Variants in ANKRD33B observed in about 807,000 individuals in gnomAD.
ANKRD33B encodes ankyrin repeat domain-containing protein 33B.
A neutral mutation model predicts 21.5 loss-of-function variants in ANKRD33B; 6 were observed. The observed-to-expected ratio is 0.28, with a 90% confidence interval of 0.15 to 0.55. The LOEUF is 0.55. ANKRD33B is among the 20% of genes least tolerant of loss of function. ANKRD33B has a pLI of 0.94. For synonymous variants in ANKRD33B, 347 were observed against 342.4 expected, an observed-to-expected ratio of 1.01 and a Z score of -0.15; for missense variants, 698 against 747.2, an observed-to-expected ratio of 0.93 and a Z score of 0.77.
chr5:10,574,999 A>G (rs1279204897), intron 1 of ANKRD33B, among the ~76,000 whole-genome samples: 1 of 55,220 alleles, frequency 1.8e-5, no homozygotes, highest in African/African-American at 3.7e-5. Context: ...AGGTGGGAGG[A>G]TCACTTGAGC....
chr5:10,607,358 G>A (rs752753889), intron 1 of ANKRD33B, among the ~76,000 whole-genome samples: 7 of 152,142 alleles, frequency 4.6e-5, no homozygotes, highest in Non-Finnish European at 1.0e-4. Context: ...GAGCTTCAAG[G>A]GCAGTCAAGT....
chr5:10,588,498 T>C (rs535243609), intron 1 of ANKRD33B, among the ~76,000 whole-genome samples: 1 of 152,354 alleles, frequency 6.6e-6, no homozygotes, highest in East Asian at 1.9e-4. Context: ...TTTCGATCTG[T>C]GGAGTAAGTT....
At chr5:10,620,956 T>C (rs1480535859) in intron 2 of ANKRD33B, among the ~76,000 whole-genome samples, 1 of 152,250 alleles carries the variant, frequency 6.6e-6, no homozygotes, top group Non-Finnish European at 1.5e-5. Flanking sequence ...ATTTTACACT[T>C]ATTATCTGAT....
intron 1 of ANKRD33B, among the ~76,000 whole-genome samples, chr5:10,577,564 G>C (rs1008453397): frequency 2.6e-5 from 4 of 152,218 alleles, no homozygotes; most frequent in African/African-American, 9.6e-5. Flanking sequence ...CCCCACATCT[G>C]CTTCCCTTTA....
At chr5:10,622,228 G>A (rs542364720) in intron 2 of ANKRD33B, among the ~76,000 whole-genome samples, 21 of 152,296 alleles carry the variant, frequency 1.4e-4, no homozygotes, top group Middle Eastern at 6.8e-3. Flanking sequence ...TACTGCCAGA[G>A]GGTCCCCTGG....
intron 1 of ANKRD33B, among the ~76,000 whole-genome samples, chr5:10,603,763 A>T (rs1735981053): frequency 1.3e-5 from 2 of 152,158 alleles, no homozygotes; most frequent in Admixed American, 6.5e-5. Flanking sequence ...TATTTATCTT[A>T]TGGTAATTTA....
intron 1 of ANKRD33B, among the ~76,000 whole-genome samples, chr5:10,611,357 A>T (rs1254522771): frequency 6.6e-6 from 1 of 152,118 alleles, no homozygotes; most frequent in Non-Finnish European, 1.5e-5. Flanking sequence ...ATAAACTCTG[A>T]TACACACATA....
intron 1 of ANKRD33B, among the ~76,000 whole-genome samples, chr5:10,607,045 A>C (rs1736060873): frequency 2.0e-5 from 3 of 152,002 alleles, no homozygotes; most frequent in Admixed American, 2.0e-4. Context: ...TTATAAGTAC[A>C]TTTTGTGCCC....
At position 10,656,976 on chromosome 5, in the gene ANKRD33B, T is replaced by TA. The variant is rs1403714581; in HGVS notation, c.*6865dup. The TA allele has an allele frequency of 1.5e-5, 2 of 130,330 alleles. No homozygotes were observed. Among genetic ancestry groups the TA allele is most frequent in the African/African-American group, 6.0e-5 (2 of 33,526 alleles). 8.1% of individuals were successfully genotyped at this position (130,330 alleles called of 1,614,324 possible). A position where few individuals can be genotyped will look rare whatever the true frequency, so the allele number is the denominator to read the frequency against. On this transcript the variant is annotated 3_prime_UTR_variant, in exon 4 of 4. Coordinates refer to ENST00000296657, the MANE Select transcript of ANKRD33B (RefSeq NM_001164440.2). ...ACTACACCCCTCTATTGTTTTTAAA[T>TA]AAGAAAAAAAAAAACCCCACGAAAC...
intron 1 of ANKRD33B, among the ~76,000 whole-genome samples, chr5:10,584,467 G>A (rs1470504809): frequency 1.3e-5 from 2 of 151,956 alleles, no homozygotes; most frequent in Non-Finnish European, 2.9e-5. Flanking sequence ...GATCACTTGA[G>A]CTGGAAAGTT....
rs1334190945 is a variant in ANKRD33B at position 10,618,584 on chromosome 5, A to G, written c.496+122A>G. On this transcript the variant is annotated intron_variant, in intron 2 of 3. Coordinates refer to ENST00000296657, the MANE Select transcript of ANKRD33B (RefSeq NM_001164440.2). Reference sequence around the variant, plus strand: ...GATCAGAGACCATGTCCTGCTACCAAGGGGTGCCAGGGAAGGGCTGATTGC... The same window carrying G: ...GATCAGAGACCATGTCCTGCTACCAGGGGGTGCCAGGGAAGGGCTGATTGC... 7 of 1,347,196 alleles carry G rather than the reference A, an allele frequency of 5.2e-6. No individual in the cohort carries two copies. The South Asian group carries it at 7.6e-5, about 15-fold the overall frequency. The allele number at this position is 1,347,196 out of a possible 1,614,324, so 83.5% of individuals were successfully genotyped here.
rs998314744 is a variant in ANKRD33B at position 10,564,141 on chromosome 5, C to G, written c.-327C>G. Among the ~76,000 whole-genome samples the G allele has an allele frequency of 1.3e-5, 2 of 152,128 alleles. No individual in the cohort carries two copies. Among genetic ancestry groups the G allele is most frequent in the Non-Finnish European group, 2.9e-5 (2 of 67,992 alleles). ...GCAACGCTGCCAGGTGCCCAGTCCC[C>G]GCGCTCGAGAGAGCGCCTGCCTGGC... is the stretch of plus-strand genomic sequence containing the variant. On this transcript the variant is annotated 5_prime_UTR_variant, in exon 1 of 4. Transcript: ENST00000296657.
In ANKRD33B at chr5:10,582,592, A is replaced by G. The variant is rs549225797; in HGVS notation, c.366+17759A>G. ...AACTCTCCCTGCAGGGCTCCTCCCAACAGTTCTCCAGATGCTTCCCTCTGT... is the reference window on the plus strand; with the variant it reads ...AACTCTCCCTGCAGGGCTCCTCCCAGCAGTTCTCCAGATGCTTCCCTCTGT... On this transcript the variant is annotated intron_variant, in intron 1 of 3. Coordinates refer to ENST00000296657, the MANE Select transcript of ANKRD33B (RefSeq NM_001164440.2). 5.3e-5 allele frequency among the ~76,000 whole-genome samples: 8 copies of G among 152,282 alleles called. No homozygotes were observed. The East Asian group carries it at 1.3e-3, about 26-fold the overall frequency.
rs770681251 is a variant in ANKRD33B, at chr5:10,628,421, A to G, written c.497-9607A>G. 2.0e-5 allele frequency among the ~76,000 whole-genome samples: 3 copies of G among 152,276 alleles called. No individual in the cohort carries two copies. In the East Asian group the frequency reaches 5.8e-4, roughly 29 times the overall value. On this transcript the variant is annotated intron_variant, in intron 2 of 3. Coordinates refer to ENST00000296657, the MANE Select transcript of ANKRD33B (RefSeq NM_001164440.2). ...GGTATCGAACTCCTGATCTCAGGTC[A>G]TCCACCCACTTCGGCCTCCCAAAGT...
intron 1 of ANKRD33B, among the ~76,000 whole-genome samples, chr5:10,609,793 C>T (rs1324185270): frequency 6.7e-6 from 1 of 149,454 alleles, no homozygotes; most frequent in Non-Finnish European, 1.5e-5. Context: ...CCTGTAATCT[C>T]AGCTACTTGG....
intron 1 of ANKRD33B, among the ~76,000 whole-genome samples, chr5:10,612,029 A>G (rs1259674546): frequency 6.6e-6 from 1 of 152,204 alleles, no homozygotes; most frequent in East Asian, 1.9e-4. Context: ...GCCCAGGGAA[A>G]GGATTCCTGC....
chr5:10,650,812 T>C lies in ANKRD33B; in HGVS notation c.*699T>C, dbSNP rs930840367. The C allele has an allele frequency of 6.6e-6, 1 of 152,348 alleles. No individual in the cohort carries two copies. Among genetic ancestry groups the C allele is most frequent in the African/African-American group, 2.4e-5 (1 of 41,454 alleles). The allele number at this position is 152,348 out of a possible 1,614,324, so 9.4% of individuals were successfully genotyped here. On this transcript the variant is annotated 3_prime_UTR_variant, in exon 4 of 4. Transcript: ENST00000296657. ...TAGTAATATATTGAGGAAAAACATATTGTCAAATTATAAAACAATGGAGCG... is the reference window on the plus strand; with the variant it reads ...TAGTAATATATTGAGGAAAAACATACTGTCAAATTATAAAACAATGGAGCG...
At chr5:10,598,988 C>T (rs185788428) in intron 1 of ANKRD33B, among the ~76,000 whole-genome samples, 2 of 152,312 alleles carry the variant, frequency 1.3e-5, no homozygotes, top group African/African-American at 4.8e-5. Context: ...ATATATACAC[C>T]TGTGCAGTCA....
Position 10,611,434 on chromosome 5 carries a change from G to T in ANKRD33B, c.367-6899G>T, listed in dbSNP as rs1282842978. Among the ~76,000 whole-genome samples, 3 of 152,364 alleles carry T rather than the reference G, an allele frequency of 2.0e-5. No homozygotes were observed. The East Asian group carries it at 5.8e-4, about 29-fold the overall frequency. ...CTCAGTGGGGGTTGTCCCTGTGTCT[G>T]TGTGGTTCGCCTGCTTTTCCCCAAC... On this transcript the variant is annotated intron_variant, in intron 1 of 3. Transcript: ENST00000296657.
Sources: gnomAD v4.1 joint callset for allele counts (sites outside exome capture counted in the v4.1 genomes callset) on GRCh38, gnomAD v4.1.1 for gene constraint, MANE v1.5 for transcripts, NCBI Gene and HGNC (gene_info 2026-07-23, HGNC 2026-07-21) for gene names.